The following PRORP variants were observed in gnomAD, a reference collection of about 807,000 sequenced individuals.
PRORP encodes the protein mitochondrial ribonuclease P catalytic subunit.
PRORP carries 51 observed loss-of-function variants against 59.4 expected under a neutral mutation model. The observed-to-expected ratio is 0.86, with a 90% CI of 0.69 to 1.08. The LOEUF (loss-of-function observed/expected upper bound fraction) is 1.08, where lower values mean the gene tolerates loss of function less well. PRORP is among the 50% of genes least tolerant of loss of function. The pLI is 0.00. For synonymous variants in PRORP, 231 were observed against 245.6 expected (o/e 0.94, Z 0.55); for missense variants, 646 against 690.3 (o/e 0.94, Z 0.72).
chr14:35,236,813 A>G (rs2050226170), intron 5 of PRORP, among the ~76,000 whole-genome samples: 1 of 146,052 alleles, frequency 6.8e-6, no homozygotes, highest in Non-Finnish European at 1.5e-5. Context: ...CCAAAACTGA[A>G]CTTGCCATCT....
intron 4 of PRORP, among the ~76,000 whole-genome samples, chr14:35,156,041 A>G (rs1428942721): frequency 1.3e-5 from 2 of 152,192 alleles, no homozygotes; most frequent in Non-Finnish European, 2.9e-5. Context: ...AAAATCCTGT[A>G]CAAGTTAATC....
chr14:35,220,184 A>G (rs1042467104), intron 5 of PRORP, among the ~76,000 whole-genome samples: 2 of 152,320 alleles, frequency 1.3e-5, no homozygotes, highest in Admixed American at 6.5e-5. Flanking sequence ...TTATACCACC[A>G]TGTCCCCTAT....
intron 5 of PRORP, among the ~76,000 whole-genome samples, chr14:35,261,941 T>G (rs1281546733): frequency 6.6e-6 from 1 of 152,146 alleles, no homozygotes; most frequent in African/African-American, 2.4e-5. Context: ...CTGCTTCTAG[T>G]AGAGACTTCT....
chr14:35,123,579 ATTCAAC>A lies in PRORP; in HGVS notation c.336_341del (p.Gln113_Leu114del). On this transcript the variant is annotated inframe_deletion, in exon 2 of 8. Transcript: ENST00000534898. ...TGCCTTGGCACCTGTGAGGAACACT[ATTCAAC>A]TCCCAACACAACCTTTGAATTCAGA... 1 of 1,614,218 alleles carries A rather than the reference ATTCAAC, an allele frequency of 6.2e-7. No homozygotes were observed. Among genetic ancestry groups the A allele is most frequent in the African/African-American group, 1.3e-5 (1 of 75,054 alleles).
chr14:35,189,585 A>G (rs2048831771), intron 5 of PRORP, among the ~76,000 whole-genome samples: 1 of 152,092 alleles, frequency 6.6e-6, no homozygotes, highest in Admixed American at 6.6e-5. Flanking sequence ...TCCAAGCCAG[A>G]TACTGTTTTA....
chr14:35,257,758 T>C (rs2050796497), intron 5 of PRORP, among the ~76,000 whole-genome samples: 1 of 152,288 alleles, frequency 6.6e-6, no homozygotes, highest in Non-Finnish European at 1.5e-5. Context: ...TCCCAAAGGC[T>C]TTAGAGTTTC....
At chr14:35,245,933 C>T (rs1426567538) in intron 5 of PRORP, among the ~76,000 whole-genome samples, 2 of 151,992 alleles carry the variant, frequency 1.3e-5, no homozygotes, top group Admixed American at 6.6e-5. Flanking sequence ...TATGAGTTTC[C>T]GTGTCTGAAA....
chr14:35,152,784 TC>T (rs2047804701), intron 4 of PRORP, among the ~76,000 whole-genome samples: 1 of 144,060 alleles, frequency 6.9e-6, no homozygotes, highest in Non-Finnish European at 1.5e-5. Context: ...GCTCCTCACA[TC>T]CCAGACGGGG....
intron 4 of PRORP, chr14:35,159,138 A>C: frequency 5.9e-6 from 1 of 170,476 alleles, no homozygotes; most frequent in South Asian, 1.2e-4. Context: ...TAATCCTATT[A>C]CTCCCCTGCC....
intron 4 of PRORP, among the ~76,000 whole-genome samples, chr14:35,172,515 CCTCTCTCCCTCTCTCT>C (rs1319838701): frequency 2.8e-5 from 4 of 140,470 alleles, no homozygotes; most frequent in African/African-American, 7.8e-5. Context: ...TCCCTCTCTC[CCTCTCTCCCTCTCTCT>C]CCTGTCCTCT....
chr14:35,130,400 T>C (rs1429412363), intron 4 of PRORP, among the ~76,000 whole-genome samples: 1 of 152,118 alleles, frequency 6.6e-6, no homozygotes, highest in African/African-American at 2.4e-5. Context: ...AGTGTTATAA[T>C]ATACTATGTC....
intron 5 of PRORP, among the ~76,000 whole-genome samples, chr14:35,211,213 C>T (rs953598041): frequency 6.6e-6 from 1 of 151,120 alleles, no homozygotes; most frequent in African/African-American, 2.5e-5. Context: ...GTGGGTAACA[C>T]TATAGAGATA....
At chr14:35,254,552 G>T (rs146237399) in intron 5 of PRORP, among the ~76,000 whole-genome samples, 2 of 151,918 alleles carry the variant, frequency 1.3e-5, no homozygotes, top group African/African-American at 2.4e-5. Flanking sequence ...GCCACCACTC[G>T]CAGCTAATTT....
In PRORP at chr14:35,243,371, T is replaced by TA. The variant is rs1024612583; in HGVS notation, c.1276-23349dup. On this transcript the variant is annotated intron_variant, in intron 5 of 7. Coordinates refer to ENST00000534898, the MANE Select transcript of PRORP (RefSeq NM_014672.4). ...CAACATAGTGAGACTCTCATCTCTA[T>TA]AAAAAAATACAAAAATTAGCTAGGT... 3.3e-5 allele frequency among the ~76,000 whole-genome samples: 5 copies of TA among 151,656 alleles called. No homozygotes were observed. The East Asian group carries it at 9.7e-4, about 29-fold the overall frequency.
At chr14:35,232,397 A>G (rs1241034961) in intron 5 of PRORP, among the ~76,000 whole-genome samples, 1 of 152,036 alleles carries the variant, frequency 6.6e-6, no homozygotes, top group Non-Finnish European at 1.5e-5. Flanking sequence ...ATTTTTGTAG[A>G]GATGGGGTCT....
intron 5 of PRORP, among the ~76,000 whole-genome samples, chr14:35,227,448 A>G (rs1481547932): frequency 6.6e-6 from 1 of 151,972 alleles, no homozygotes; most frequent in African/African-American, 2.4e-5. Context: ...TGTCTCAAAA[A>G]AAAAAAAGTT....
At chr14:35,131,050 T>C (rs1264497675) in intron 4 of PRORP, among the ~76,000 whole-genome samples, 2 of 152,064 alleles carry the variant, frequency 1.3e-5, no homozygotes, top group Non-Finnish European at 2.9e-5. Context: ...TTCAAGTGAT[T>C]CTCCTGCCTC....
At chr14:35,170,033 G>A (rs1404873227) in intron 4 of PRORP, among the ~76,000 whole-genome samples, 1 of 152,084 alleles carries the variant, frequency 6.6e-6, no homozygotes, top group African/African-American at 2.4e-5. Context: ...TTGATGTATT[G>A]ATCCTGTCAT....
At chr14:35,259,993 G>GTTTTTTTTT (rs557378360) in intron 5 of PRORP, among the ~76,000 whole-genome samples, 1 of 81,308 alleles carries the variant, frequency 1.2e-5, no homozygotes, top group Admixed American at 1.9e-4. Flanking sequence ...GGTTTTTCGG[G>GTTTTTTTTT]TTTTTTTTTT....
Sources: allele counts gnomAD v4.1 joint callset (sites outside exome capture counted in the v4.1 genomes callset), GRCh38; gene constraint gnomAD v4.1.1; transcripts MANE v1.5; gene names NCBI Gene and HGNC (gene_info 2026-07-23, HGNC 2026-07-21).